Variants in AHNAK observed in about 807,000 individuals in gnomAD.
The protein encoded by AHNAK is AHNAK nucleoprotein.
Under a neutral mutation model 37.8 loss-of-function variants are expected in AHNAK, and 23 were observed. The observed-to-expected ratio is 0.61, with a 90% CI of 0.44 to 0.86. The LOEUF (loss-of-function observed/expected upper bound fraction) is 0.86, where lower values mean the gene tolerates loss of function less well. Ranked by LOEUF, AHNAK falls within the 40% of genes least tolerant of loss-of-function variation. The pLI is 0.00. For synonymous variants in AHNAK, 2,481 were observed against 2,636.3 expected (o/e 0.94, Z 1.80); for missense variants, 7,411 against 7,319.4 (o/e 1.01, Z -0.46).
intron 4 of AHNAK, among the ~76,000 whole-genome samples, chr11:62,503,508 A>C (rs545995321): frequency 5.3e-5 from 8 of 151,948 alleles, no homozygotes; most frequent in Admixed American, 1.3e-4. Context: ...ACCTGAACCC[A>C]GGAGGCAGAG....
chr11:62,531,224 G>A lies in AHNAK; in HGVS notation c.3193C>T (p.Pro1065Ser). Residue 1065 changes from proline to serine, a missense_variant, in exon 5 of 5, where the codon CCT becomes TCT. Pro to Ser is a moderately conservative substitution (Grantham distance 74). Transcript: ENST00000378024. ...FKMPEMHFRA[P>S]KMSLPDVDLD... Reference sequence around the variant, plus strand: ...TCAACATCTGGCAAAGACATCTTAGGAGCTCTGAAGTGCATCTCAGGCATC... The same window carrying A: ...TCAACATCTGGCAAAGACATCTTAGAAGCTCTGAAGTGCATCTCAGGCATC... 1.2e-6 allele frequency: 2 copies of A among 1,614,012 alleles called. No individual in the cohort carries two copies.
Position 62,528,864 on chromosome 11 carries a change from C to A in AHNAK, c.5553G>T (p.Lys1851Asn), listed in dbSNP as rs1364444996. Residue 1851 changes from lysine (K) to asparagine (N), a missense_variant, in exon 5 of 5, where the codon AAG becomes AAT. By Grantham distance (94) the Lys-to-Asn change is moderately conservative (BLOSUM62 0). Transcript: ENST00000378024. ...CATCAGGCATGGAGATCTTGGGGGC[C>A]TTGAAGTGCATCTCAGGCATCTTAA... is the stretch of plus-strand genomic sequence containing the variant. Reference protein sequence around the residue: ...PKFKMPEMHFKAPKISMPDVD... With the variant: ...PKFKMPEMHFNAPKISMPDVD... 1 of 1,613,174 alleles carries A rather than the reference C, an allele frequency of 6.2e-7. No homozygotes were observed. Among genetic ancestry groups the A allele is most frequent in the Non-Finnish European group, 8.5e-7 (1 of 1,179,826 alleles).
rs558890746 is a variant in AHNAK at position 62,460,349 on chromosome 11, T to C, written c.443-26458A>G. Among the ~76,000 whole-genome samples the C allele has an allele frequency of 1.3e-4, 20 of 152,172 alleles. 1 individual carries two copies. Among genetic ancestry groups the C allele is most frequent in the Admixed American group, 1.0e-3 (16 of 15,270 alleles). On this transcript the variant is annotated intron_variant, in intron 5 of 5. Transcript: ENST00000257247. ...ACGCTGCATCTGAGATGAGAGACTTTCATGACCATGTCCACAGGAAGGGAG... is the reference window on the plus strand; with the variant it reads ...ACGCTGCATCTGAGATGAGAGACTTCCATGACCATGTCCACAGGAAGGGAG...
At chr11:62,482,113 C>G (rs927909982) in intron 5 of AHNAK, among the ~76,000 whole-genome samples, 18 of 152,092 alleles carry the variant, frequency 1.2e-4, no homozygotes, top group Admixed American at 9.8e-4. Flanking sequence ...CTCCATGAAA[C>G]CTTCATCAAG....
chr11:62,527,131 A>G lies in AHNAK; in HGVS notation c.7286T>C (p.Ile2429Thr), dbSNP rs1223649138. Residue 2429 changes from isoleucine (I) to threonine (T), a missense_variant, in exon 5 of 5, where the codon ATT (isoleucine) becomes ACT (threonine). Physicochemically the swap from Ile to Thr is moderately conservative, Grantham distance 89. Transcript: ENST00000378024. Reference sequence around the variant, plus strand: ...TTTCAATTTGCCCTCTGGTCCCTCAATGTCAATGTCTGGCCCACTGACATC... The same window carrying G: ...TTTCAATTTGCCCTCTGGTCCCTCAGTGTCAATGTCTGGCCCACTGACATC... ...HVDVSGPDID[I>T]EGPEGKLKGP... 3 of 1,613,764 alleles carry G rather than the reference A, an allele frequency of 1.9e-6. No homozygotes were observed. Among genetic ancestry groups the G allele is most frequent in the African/African-American group, 1.3e-5 (1 of 74,900 alleles).
Position 62,516,533 on chromosome 11 carries a change from G to T in AHNAK, c.*211C>A. On this transcript the variant is annotated 3_prime_UTR_variant, in exon 5 of 5. Transcript: ENST00000378024. The stretch of plus-strand genomic sequence containing the variant: ...CAAATACTGTTGACTTTGCACATGG[G>T]CTGGACGAACTTGGAACTCTTTACC... The T allele has an allele frequency of 7.1e-7, 1 of 1,414,008 alleles. No individual in the cohort carries two copies. Among genetic ancestry groups the T allele is most frequent in the Non-Finnish European group, 9.2e-7 (1 of 1,090,224 alleles). 87.6% of individuals were successfully genotyped at this position (1,414,008 alleles called of 1,614,324 possible). A position where few individuals can be genotyped will look rare whatever the true frequency, so the allele number is the denominator to read the frequency against.
At chr11:62,435,615 G>A (rs370252135) in intron 5 of AHNAK, among the ~76,000 whole-genome samples, 3 of 152,058 alleles carry the variant, frequency 2.0e-5, no homozygotes, top group East Asian at 1.9e-4. Flanking sequence ...GGGTTTCACC[G>A]TGTTAGACAG....
intron 5 of AHNAK, among the ~76,000 whole-genome samples, chr11:62,439,308 G>A (rs1350374716): frequency 6.6e-6 from 1 of 151,718 alleles, no homozygotes; most frequent in Non-Finnish European, 1.5e-5. Context: ...GTTTTAGTCA[G>A]GATGGTCTCG....
rs192236205 is a variant in AHNAK, at chr11:62,544,348, G to A, written c.-100+2312C>T. On this transcript the variant is annotated intron_variant, in intron 1 of 4. Coordinates refer to ENST00000378024, the MANE Select transcript of AHNAK (RefSeq NM_001620.3). The stretch of plus-strand genomic sequence containing the variant: ...GGGGTTGGCTCCTCAAGGAGTTCCC[G>A]GACCAGGACCCCTGAATCGCTGCTG... Among the ~76,000 whole-genome samples, 151 of 152,174 alleles carry A rather than the reference G, an allele frequency of 9.9e-4. 2 individuals are homozygous for A. The East Asian group carries it at 0.022, about 23-fold the overall frequency.
chr11:62,451,222 C>G (rs1754742617), intron 5 of AHNAK, among the ~76,000 whole-genome samples: 1 of 150,838 alleles, frequency 6.6e-6, no homozygotes, highest in African/African-American at 2.4e-5. Context: ...AGAAAACCAA[C>G]AACATAATGT....
chr11:62,532,755 G>A lies in AHNAK; in HGVS notation c.1662C>T (p.Gly554=), dbSNP rs573371032. ...TCCCGGAAGGACTGCCAAGCCTAGGGCCTGTCAAGGTTCCCTCTAGGTTTG... is the reference window on the plus strand; with the variant it reads ...TCCCGGAAGGACTGCCAAGCCTAGGACCTGTCAAGGTTCCCTCTAGGTTTG... ...ETPNLEGTLT[G]PRLGSPSGKT... The change falls in exon 5 of 5, where the codon GGC becomes GGT. Residue 554 remains glycine (G), a synonymous_variant. Transcript: ENST00000378024. The A allele has an allele frequency of 8.5e-5, 138 of 1,614,116 alleles. No individual in the cohort carries two copies. The South Asian group carries it at 1.3e-3, about 15-fold the overall frequency.
At chr11:62,463,694 G>C (rs1938840010) in intron 5 of AHNAK, among the ~76,000 whole-genome samples, 1 of 152,202 alleles carries the variant, frequency 6.6e-6, no homozygotes, top group Non-Finnish European at 1.5e-5. Flanking sequence ...TATGGAACTT[G>C]CTGGGTTTTT....
exon 6 of AHNAK, chr11:62,433,746 C>CG: frequency 7.9e-7 from 1 of 1,263,362 alleles, no homozygotes; most frequent in South Asian, 1.3e-5. Context: ...AAAGCCGCCT[C>CG]GCGGAAGGTA....
chr11:62,468,434 T>C (rs1289977807), intron 5 of AHNAK, among the ~76,000 whole-genome samples: 1 of 151,592 alleles, frequency 6.6e-6, no homozygotes, highest in Admixed American at 6.6e-5. Context: ...AGGGTTGGGG[T>C]GCATAATGTA....
At position 62,521,249 on chromosome 11, in the gene AHNAK, T is replaced by G. The variant is rs145898432; in HGVS notation, c.13168A>C (p.Ile4390Leu). Residue 4390 changes from isoleucine (I) to leucine (L), a missense_variant, in exon 5 of 5, where the codon ATT becomes CTT. Coordinates refer to ENST00000378024, the MANE Select transcript of AHNAK (RefSeq NM_001620.3). ...IKAPKISMPD[I>L]DFNLKGPKVK... ...TTGGGACCCTTCAAGTTAAAGTCAATGTCAGGCATGGAGATTTTGGGGGCC... is the reference window on the plus strand; with the variant it reads ...TTGGGACCCTTCAAGTTAAAGTCAAGGTCAGGCATGGAGATTTTGGGGGCC... 43 of 1,613,440 alleles carry G rather than the reference T, an allele frequency of 2.7e-5. No homozygotes were observed. The highest frequency in any genetic ancestry group is 3.4e-5 in the Non-Finnish European group (40 of 1,179,842).
At chr11:62,489,914 T>C (rs1325087915) in intron 5 of AHNAK, among the ~76,000 whole-genome samples, 1 of 151,824 alleles carries the variant, frequency 6.6e-6, no homozygotes, top group African/African-American at 2.4e-5. Context: ...GAAGGCGATA[T>C]CACCAATCAG....
Position 62,516,297 on chromosome 11 carries a change from A to C in AHNAK, c.*447T>G. On this transcript the variant is annotated 3_prime_UTR_variant, in exon 5 of 5. Coordinates refer to ENST00000378024, the MANE Select transcript of AHNAK (RefSeq NM_001620.3). ...TTGAACAGATCCAGTCTCAGGAAAGAGGAAGACCTGACCTCCGTCTGCAAC... is the reference window on the plus strand; with the variant it reads ...TTGAACAGATCCAGTCTCAGGAAAGCGGAAGACCTGACCTCCGTCTGCAAC... 7.8e-7 allele frequency: 1 copy of C among 1,289,438 alleles called. No individual in the cohort carries two copies. Among genetic ancestry groups the C allele is most frequent in the Non-Finnish European group, 1.0e-6 (1 of 988,868 alleles). 79.9% of individuals were successfully genotyped at this position (1,289,438 alleles called of 1,614,324 possible).
chr11:62,535,061 T>A lies in AHNAK; in HGVS notation c.284A>T (p.Glu95Val), dbSNP rs1181158533. The A allele has an allele frequency of 1.2e-6, 2 of 1,613,876 alleles. No homozygotes were observed. Among genetic ancestry groups the A allele is most frequent in the Admixed American group, 3.3e-5 (2 of 60,016 alleles). Reference protein sequence around the residue: ...KLHRKGDRSPEPGQTWTREVF... With the variant: ...KLHRKGDRSPVPGQTWTREVF... ...TTCACGGGTCCAGGTCTGGCCAGGC[T>A]CGGGAGAGCGGTCCCCCTTGCGGTG... The change falls in exon 4 of 5, where the codon GAG (glutamate) becomes GTG (valine). Residue 95 changes from glutamate (E) to valine (V), a missense_variant. Physicochemically the swap from Glu to Val is moderately radical, Grantham distance 121 (BLOSUM62 -2). Coordinates refer to ENST00000378024, the MANE Select transcript of AHNAK (RefSeq NM_001620.3).
At chr11:62,447,993 G>C in intron 5 of AHNAK, among the ~76,000 whole-genome samples, 1 of 152,110 alleles carries the variant, frequency 6.6e-6, no homozygotes. Context: ...CAGGTCGTGG[G>C]CAGTGACCTG....
Sources: allele counts gnomAD v4.1 joint callset (sites outside exome capture counted in the v4.1 genomes callset), GRCh38; gene constraint gnomAD v4.1.1; transcripts MANE v1.5; gene names NCBI Gene and HGNC (gene_info 2026-07-23, HGNC 2026-07-21).